PATJ: variants seen among roughly 807,000 people sequenced by gnomAD.
PATJ encodes inaD-like protein.
Under a neutral mutation model 224.9 loss-of-function variants are expected in PATJ, and 190 were observed. The ratio of observed to expected loss-of-function variants is 0.84; its 90% confidence interval spans 0.75 to 0.95. The LOEUF is 0.95. PATJ is among the 40% of genes least tolerant of loss of function. The probability of loss-of-function intolerance (pLI) is 0.00; values close to 1 mark genes in which losing one functional copy is unlikely to be tolerated. For synonymous variants in PATJ, 769 were observed against 820.3 expected (o/e 0.94, Z 1.07); for missense variants, 2,121 against 2,270.3 (o/e 0.93, Z 1.34).
intron 3 of PATJ, among the ~76,000 whole-genome samples, chr1:61,764,874 T>C (rs1296210161): frequency 3.9e-5 from 6 of 152,058 alleles, no homozygotes; most frequent in Non-Finnish European, 7.4e-5. Context: ...GCAACTGAAA[T>C]TGGCAAAGAT....
At chr1:61,840,211 T>G (rs181168148) in intron 17 of PATJ, among the ~76,000 whole-genome samples, 193 of 152,202 alleles carry the variant, frequency 1.3e-3, no homozygotes, top group Middle Eastern at 3.4e-3. Context: ...TTATAAAAGT[T>G]GTAGGACGGG....
At chr1:61,987,405 T>TA (rs1553232485) in intron 27 of PATJ, among the ~76,000 whole-genome samples, 69 of 149,132 alleles carry the variant, frequency 4.6e-4, no homozygotes, top group South Asian at 2.8e-3. Context: ...ATCTTTTTTT[T>TA]TAAAAAAAAG....
chr1:62,079,728 T>C (rs1365347650), intron 32 of PATJ, among the ~76,000 whole-genome samples, 161 bp downstream of exon 32: 1 of 152,184 alleles, frequency 6.6e-6, no homozygotes, highest in African/African-American at 2.4e-5. Flanking sequence ...CTTCATTTCC[T>C]ACATCATTTT....
At chr1:61,929,841 G>A (rs1675760167) in intron 27 of PATJ, among the ~76,000 whole-genome samples, 1 of 152,094 alleles carries the variant, frequency 6.6e-6, no homozygotes, top group Admixed American at 6.5e-5. Flanking sequence ...CCAACATGGT[G>A]AAACCCCCTC....
chr1:61,792,055 AATAAT>A (rs961887592), intron 9 of PATJ, among the ~76,000 whole-genome samples: 4 of 152,276 alleles, frequency 2.6e-5, no homozygotes, highest in Admixed American at 1.3e-4. Flanking sequence ...AATATTTGCT[AATAAT>A]ATGAAAATTC....
chr1:62,062,975 AAT>A (rs1171356285), intron 31 of PATJ, among the ~76,000 whole-genome samples: 1 of 152,090 alleles, frequency 6.6e-6, no homozygotes, highest in Non-Finnish European at 1.5e-5. Flanking sequence ...TTACTCTGTT[AAT>A]AGTTTCTTTT....
chr1:62,105,655 A>G (rs975137407), intron 33 of PATJ, among the ~76,000 whole-genome samples: 1 of 152,162 alleles, frequency 6.6e-6, no homozygotes. Context: ...AAACAAAGAA[A>G]GGTCTAAAAT....
At chr1:62,157,271 C>T (rs577708093) in intron 43 of PATJ, among the ~76,000 whole-genome samples, 3 of 151,410 alleles carry the variant, frequency 2.0e-5, no homozygotes, top group African/African-American at 7.2e-5. Context: ...TTGCAGTGAG[C>T]GGAGATTACA....
At chr1:61,920,462 C>T (rs541096951) in intron 26 of PATJ, among the ~76,000 whole-genome samples, 9 of 152,260 alleles carry the variant, frequency 5.9e-5, no homozygotes, top group Admixed American at 1.3e-4. Flanking sequence ...TGCTTTCCGC[C>T]ATGATTATGA....
chr1:62,104,675 T>A (rs1662667350), intron 33 of PATJ, among the ~76,000 whole-genome samples: 2 of 152,196 alleles, frequency 1.3e-5, no homozygotes, highest in Non-Finnish European at 2.9e-5. Flanking sequence ...CTTTATTTTT[T>A]ATTTTTTTAT....
At chr1:61,803,212 T>C (rs959204776) in intron 12 of PATJ, among the ~76,000 whole-genome samples, 1 of 152,194 alleles carries the variant, frequency 6.6e-6, no homozygotes, top group Non-Finnish European at 1.5e-5. Context: ...ACAATACTCC[T>C]CTATTATAAA....
At chr1:62,125,515 G>A (rs1183158800) in intron 39 of PATJ, among the ~76,000 whole-genome samples, 18 of 152,064 alleles carry the variant, frequency 1.2e-4, no homozygotes, top group Non-Finnish European at 1.3e-4. Flanking sequence ...TTCCACCAGA[G>A]TAGCAACTCA....
At chr1:61,869,282 A>T (rs1238147768) in intron 20 of PATJ, among the ~76,000 whole-genome samples, 1 of 150,856 alleles carries the variant, frequency 6.6e-6, no homozygotes, top group African/African-American at 2.4e-5. Context: ...AATTTTTTGT[A>T]TTTTTAGTAG....
chr1:62,117,040 T>C (rs749724394), intron 36 of PATJ, 92 bp from the exon 37 acceptor site: 2 of 1,054,692 alleles, frequency 1.9e-6, no homozygotes, highest in Admixed American at 2.0e-5. Flanking sequence ...TACCCTTTTA[T>C]AATTTGTGGC....
intron 27 of PATJ, among the ~76,000 whole-genome samples, chr1:61,963,222 C>A (rs1396669263): frequency 1.3e-5 from 2 of 152,190 alleles, no homozygotes; most frequent in African/African-American, 2.4e-5. Flanking sequence ...ACCAATAACA[C>A]AACCAATCAG....
At chr1:62,083,400 G>A (rs1358817888) in intron 32 of PATJ, among the ~76,000 whole-genome samples, 1 of 152,222 alleles carries the variant, frequency 6.6e-6, no homozygotes, top group Non-Finnish European at 1.5e-5. Flanking sequence ...AAAGTGCTGG[G>A]ATTACAGGCG....
intron 14 of PATJ, among the ~76,000 whole-genome samples, chr1:61,820,040 AATTT>A (rs1262899544): frequency 4.6e-5 from 7 of 151,920 alleles, no homozygotes; most frequent in Non-Finnish European, 1.0e-4. Flanking sequence ...GTATTTAATT[AATTT>A]ATTTATTTAT....
chr1:61,914,632 C>A lies in PATJ; in HGVS notation c.3538C>A (p.Gln1180Lys). 6.3e-7 allele frequency: 1 copy of A among 1,581,236 alleles called. No individual in the cohort carries two copies. Among genetic ancestry groups the A allele is most frequent in the South Asian group, 1.1e-5 (1 of 90,270 alleles). Residue 1180 changes from glutamine (Q) to lysine (K), a missense_variant, in exon 26 of 44, where the codon CAG (glutamine) becomes AAG (lysine). Coordinates refer to ENST00000642238, the MANE Select transcript of PATJ (RefSeq NM_001350145.3). ...CAAGGCCAACAAAATCACCGGTAAC[C>A]AGAACCAGGACACCCAAGAAAAGAA... ...HNKANKITGN[Q>K]NQDTQEKKEK...
At chr1:61,884,487 G>A (rs547179881) in intron 22 of PATJ, 79 bp downstream of exon 22, 10 of 988,220 alleles carry the variant, frequency 1.0e-5, no homozygotes, top group East Asian at 5.4e-5. Context: ...TAAAAAATGC[G>A]TGATTTTGGT....
Sources: gnomAD v4.1 joint callset for allele counts (sites outside exome capture counted in the v4.1 genomes callset) on GRCh38, gnomAD v4.1.1 for gene constraint, MANE v1.5 for transcripts, NCBI Gene and HGNC (gene_info 2026-07-23, HGNC 2026-07-21) for gene names.